The following FSTL5 variants were observed in gnomAD, a reference collection of about 807,000 sequenced individuals.
The protein encoded by FSTL5 is follistatin like 5.
FSTL5 carries 62 observed loss-of-function variants against 89.1 expected under a neutral mutation model. The ratio of observed to expected loss-of-function variants is 0.70; its 90% CI spans 0.57 to 0.86. FSTL5 has a LOEUF of 0.86. FSTL5 is among the 40% of genes least tolerant of loss of function. The probability of loss-of-function intolerance (pLI) is 0.00; values close to 1 mark genes in which losing one functional copy is unlikely to be tolerated. For synonymous variants in FSTL5, 383 were observed against 346.2 expected (o/e 1.11, Z -1.18); for missense variants, 1,057 against 1,001.6 (o/e 1.06, Z -0.75).
At chr4:161,972,374 G>A (rs564546363) in intron 3 of FSTL5, among the ~76,000 whole-genome samples, 9 of 152,170 alleles carry the variant, frequency 5.9e-5, no homozygotes, top group South Asian at 4.1e-4. Context: ...ACACCGCCCC[G>A]ACATGATTCT....
At chr4:161,448,266 G>A (rs146068475) in intron 15 of FSTL5, among the ~76,000 whole-genome samples, 1 of 152,164 alleles carries the variant, frequency 6.6e-6, no homozygotes, top group East Asian at 1.9e-4. Context: ...AATTTTAATT[G>A]CAGTTCATCA....
At chr4:161,568,543 T>G (rs1008196036) in intron 8 of FSTL5, among the ~76,000 whole-genome samples, 1 of 152,168 alleles carries the variant, frequency 6.6e-6, no homozygotes, top group Non-Finnish European at 1.5e-5. Context: ...TTGGGTAAGT[T>G]TTCCCCATAA....
At chr4:161,842,357 A>G (rs1286561971) in intron 4 of FSTL5, among the ~76,000 whole-genome samples, 2 of 152,196 alleles carry the variant, frequency 1.3e-5, no homozygotes, top group African/African-American at 2.4e-5. Flanking sequence ...CAGTATAATC[A>G]TTCTTTCAGA....
intron 5 of FSTL5, among the ~76,000 whole-genome samples, chr4:161,763,569 C>T (rs901457247): frequency 1.3e-5 from 2 of 152,148 alleles, no homozygotes; most frequent in Admixed American, 1.3e-4. Flanking sequence ...GTAGGATCTT[C>T]TAGTTCTATG....
At chr4:161,873,727 G>T (rs182088622) in intron 4 of FSTL5, among the ~76,000 whole-genome samples, 25 of 149,648 alleles carry the variant, frequency 1.7e-4, no homozygotes, top group Admixed American at 2.7e-4. Flanking sequence ...TAATTCATTT[G>T]CTTCTATTCA....
At chr4:161,992,550 C>A (rs924089523) in intron 3 of FSTL5, among the ~76,000 whole-genome samples, 37 of 151,758 alleles carry the variant, frequency 2.4e-4, no homozygotes, top group African/African-American at 8.7e-4. Context: ...TTTAGATATG[C>A]AAGTAGTGGA....
intron 7 of FSTL5, among the ~76,000 whole-genome samples, chr4:161,611,264 A>ATATATATG (rs1734639171): frequency 3.3e-5 from 4 of 122,894 alleles, no homozygotes; most frequent in African/African-American, 1.2e-4. Context: ...ATATATATAT[A>ATATATATG]TATGTAACTT....
intron 2 of FSTL5, among the ~76,000 whole-genome samples, chr4:162,103,605 T>A (rs1458216382): frequency 6.6e-6 from 1 of 152,168 alleles, no homozygotes; most frequent in East Asian, 1.9e-4. Context: ...ACAGAAAATG[T>A]CTCTCTCTGA....
chr4:161,884,239 T>A (rs772935440), intron 4 of FSTL5, among the ~76,000 whole-genome samples: 1 of 151,908 alleles, frequency 6.6e-6, no homozygotes, highest in African/African-American at 2.4e-5. Context: ...TTAGTAGAGA[T>A]ATTGGCCAGA....
At chr4:161,739,093 G>A (rs553440232) in intron 6 of FSTL5, among the ~76,000 whole-genome samples, 34 of 152,222 alleles carry the variant, frequency 2.2e-4, no homozygotes, top group African/African-American at 7.2e-4. Context: ...TGTGTTTAAC[G>A]TATTCCTCCC....
At chr4:161,520,497 G>A (rs1036107265) in intron 10 of FSTL5, among the ~76,000 whole-genome samples, 5 of 152,016 alleles carry the variant, frequency 3.3e-5, no homozygotes, top group East Asian at 1.9e-4. Context: ...CAAAGACATC[G>A]TATATGCTGC....
chr4:161,856,662 G>GTGTGTATATA (rs1553971994), intron 4 of FSTL5, among the ~76,000 whole-genome samples: 22 of 147,868 alleles, frequency 1.5e-4, no homozygotes, highest in South Asian at 1.5e-3. Context: ...GTGTGTGTGT[G>GTGTGTATATA]TATATATATA....
intron 6 of FSTL5, among the ~76,000 whole-genome samples, chr4:161,692,639 G>A (rs1156299109): frequency 1.3e-5 from 2 of 152,144 alleles, no homozygotes; most frequent in Non-Finnish European, 2.9e-5. Flanking sequence ...ACAACCCTAT[G>A]AGGAGGTATC....
chr4:161,617,481 G>C (rs993152384), intron 7 of FSTL5, among the ~76,000 whole-genome samples: 1 of 152,128 alleles, frequency 6.6e-6, no homozygotes, highest in Non-Finnish European at 1.5e-5. Flanking sequence ...TTGGTCTCAA[G>C]TTTGAAGGAA....
intron 10 of FSTL5, among the ~76,000 whole-genome samples, chr4:161,527,751 TCTAGAA>T (rs1291283591): frequency 6.6e-6 from 1 of 151,542 alleles, no homozygotes; most frequent in African/African-American, 2.4e-5. Flanking sequence ...TCCTCAGGGA[TCTAGAA>T]CTAGAAATAC....
At chr4:161,760,563 T>TAC (rs747718984) in intron 5 of FSTL5, among the ~76,000 whole-genome samples, 27 of 152,182 alleles carry the variant, frequency 1.8e-4, no homozygotes, top group Middle Eastern at 3.4e-3. Flanking sequence ...TGTGAAGATT[T>TAC]ACACACACAC....
At chr4:161,640,388 A>C (rs1735910544) in intron 7 of FSTL5, among the ~76,000 whole-genome samples, 1 of 152,170 alleles carries the variant, frequency 6.6e-6, no homozygotes, top group Non-Finnish European at 1.5e-5. Flanking sequence ...ATTGTTTTCT[A>C]GTTTCTCAAA....
intron 6 of FSTL5, among the ~76,000 whole-genome samples, chr4:161,742,566 G>C: frequency 6.6e-6 from 1 of 152,172 alleles, no homozygotes; most frequent in East Asian, 1.9e-4. Context: ...AGAAATATGA[G>C]TAGCCTTTGA....
chr4:162,102,773 T>C (rs1184713582), intron 2 of FSTL5, among the ~76,000 whole-genome samples: 2 of 146,854 alleles, frequency 1.4e-5, no homozygotes, highest in South Asian at 2.1e-4. Context: ...AACATATTTA[T>C]ATATATATTT....
Sources: allele counts gnomAD v4.1 joint callset (sites outside exome capture counted in the v4.1 genomes callset), GRCh38; gene constraint gnomAD v4.1.1; transcripts MANE v1.5; gene names NCBI Gene and HGNC (gene_info 2026-07-23, HGNC 2026-07-21).